The following SUGCT variants were observed in gnomAD, a reference collection of about 807,000 sequenced individuals.
SUGCT encodes the protein succinyl-CoA:glutarate CoA-transferase.
In SUGCT, 41 loss-of-function variants were observed where a neutral mutation model predicts 55.0. The observed-to-expected ratio is 0.74, with a 90% CI of 0.58 to 0.97. SUGCT has a LOEUF of 0.97. SUGCT is among the 50% of genes least tolerant of loss of function. The probability of loss-of-function intolerance (pLI) is 0.00; values close to 1 mark genes in which losing one functional copy is unlikely to be tolerated. For missense variants in SUGCT, 568 were observed against 547.8 expected (o/e 1.04, Z -0.37); for synonymous variants, 187 against 200.4 (o/e 0.93, Z 0.56).
At chr7:40,691,476 C>G (rs561532169) in intron 12 of SUGCT, among the ~76,000 whole-genome samples, 1 of 152,212 alleles carries the variant, frequency 6.6e-6, no homozygotes, top group East Asian at 1.9e-4. Flanking sequence ...AGAAGTCAGG[C>G]CCAGCTTTCT....
intron 8 of SUGCT, among the ~76,000 whole-genome samples, chr7:40,301,876 T>C (rs991752876): frequency 1.1e-4 from 17 of 152,354 alleles, no homozygotes; most frequent in Middle Eastern, 3.4e-3. Context: ...TGTAACTTAA[T>C]AGTTCTAAGA....
chr7:40,218,973 T>G (rs1787851210), intron 6 of SUGCT, among the ~76,000 whole-genome samples: 1 of 152,168 alleles, frequency 6.6e-6, no homozygotes, highest in East Asian at 1.9e-4. Flanking sequence ...GCTACATTCT[T>G]TCGCTCCTTG....
chr7:40,592,154 T>G (rs1763324914), intron 12 of SUGCT, among the ~76,000 whole-genome samples: 1 of 152,162 alleles, frequency 6.6e-6, no homozygotes, highest in African/African-American at 2.4e-5. Context: ...TAAATATGAG[T>G]TGAAATGTTG....
chr7:41,013,617 A>G, the SUGCT span, among the ~76,000 whole-genome samples: 1 of 152,164 alleles, frequency 6.6e-6, no homozygotes, highest in Admixed American at 6.5e-5. Flanking sequence ...CTATGCCTGT[A>G]TATGCATTTT....
the SUGCT span, among the ~76,000 whole-genome samples, chr7:40,923,409 G>T: frequency 6.6e-6 from 1 of 152,106 alleles, no homozygotes; most frequent in African/African-American, 2.4e-5. Flanking sequence ...GTGATTTTTG[G>T]CTTGGTCATT....
In SUGCT at chr7:40,662,910, C is replaced by T. The variant is rs1172446608; in HGVS notation, c.1090-86524C>T. ...CTTGTGATATGTCTAGTGCCAGGAA[C>T]GGAGCTTCCCTCAGAGTGGGTGCTA... is the stretch of plus-strand genomic sequence containing the variant. On this transcript the variant is annotated intron_variant, in intron 12 of 13. Coordinates refer to ENST00000335693, the MANE Select transcript of SUGCT (RefSeq NM_001193313.2). 2.6e-5 allele frequency among the ~76,000 whole-genome samples: 4 copies of T among 152,258 alleles called. No homozygotes were observed. The East Asian group carries it at 5.8e-4, about 22-fold the overall frequency.
intron 7 of SUGCT, among the ~76,000 whole-genome samples, chr7:40,256,916 G>A (rs956224831): frequency 2.0e-5 from 3 of 151,706 alleles, no homozygotes; most frequent in Non-Finnish European, 2.9e-5. Context: ...GCTAATTTTC[G>A]TATTTTTAAC....
At chr7:40,938,696 C>T in the SUGCT span, among the ~76,000 whole-genome samples, 8 of 152,198 alleles carry the variant, frequency 5.3e-5, no homozygotes, top group South Asian at 1.7e-3. Flanking sequence ...CATTTTCACA[C>T]TGCTGATAAT....
At chr7:40,176,962 A>T (rs1407462731) in intron 1 of SUGCT, among the ~76,000 whole-genome samples, 1 of 38,024 alleles carries the variant, frequency 2.6e-5, no homozygotes, top group Non-Finnish European at 5.0e-5. Flanking sequence ...CTCCGTCTCC[A>T]AAAAAAAAAA....
chr7:40,376,571 T>TA (rs2151268811), intron 9 of SUGCT, among the ~76,000 whole-genome samples: 1 of 152,084 alleles, frequency 6.6e-6, no homozygotes, highest in African/African-American at 2.4e-5. Context: ...TTTCTATTTT[T>TA]AGTAGAGATG....
chr7:40,815,170 G>A (rs1440316871), intron 13 of SUGCT, among the ~76,000 whole-genome samples: 1 of 152,222 alleles, frequency 6.6e-6, no homozygotes, highest in East Asian at 1.9e-4. Flanking sequence ...TCCCTCCTCA[G>A]CCCTGTGGGG....
chr7:40,446,128 T>G (rs561865512), intron 9 of SUGCT, among the ~76,000 whole-genome samples: 183 of 152,230 alleles, frequency 1.2e-3, no homozygotes, highest in Middle Eastern at 3.4e-3. Flanking sequence ...TCTTAAAAAT[T>G]TTAAACTTTT....
At chr7:40,900,933 AT>A in the SUGCT span, among the ~76,000 whole-genome samples, 1 of 152,250 alleles carries the variant, frequency 6.6e-6, no homozygotes, top group South Asian at 2.1e-4. Context: ...ATGAGGGAAA[AT>A]ATATGTAATT....
intron 13 of SUGCT, chr7:40,783,447 C>T (rs1432868354): frequency 1.3e-5 from 2 of 152,142 alleles, no homozygotes; most frequent in Non-Finnish European, 2.9e-5. Flanking sequence ...AAAAGAAACT[C>T]TTCTGAAAAT....
At chr7:40,343,484 T>C (rs1421475414) in intron 9 of SUGCT, among the ~76,000 whole-genome samples, 1 of 151,974 alleles carries the variant, frequency 6.6e-6, no homozygotes, top group African/African-American at 2.4e-5. Context: ...TAGGAAAAAA[T>C]AAGAAAAACG....
chr7:40,898,718 T>TA, the SUGCT span, among the ~76,000 whole-genome samples: 4 of 151,780 alleles, frequency 2.6e-5, no homozygotes, highest in African/African-American at 9.7e-5. Flanking sequence ...AATGAACACT[T>TA]ACCACGAGGG....
At chr7:40,669,754 C>T (rs909096166) in intron 12 of SUGCT, among the ~76,000 whole-genome samples, 23 of 151,584 alleles carry the variant, frequency 1.5e-4, no homozygotes, top group South Asian at 6.2e-4. Flanking sequence ...CCTTAATGGA[C>T]GACAGATAGA....
chr7:40,804,936 G>A (rs540831570), intron 13 of SUGCT, among the ~76,000 whole-genome samples: 5 of 152,282 alleles, frequency 3.3e-5, no homozygotes, highest in African/African-American at 7.2e-5. Flanking sequence ...ATATGGGAAC[G>A]TGCAAAACCA....
the SUGCT span, among the ~76,000 whole-genome samples, chr7:40,907,824 T>G: frequency 6.6e-5 from 10 of 152,202 alleles, no homozygotes; most frequent in Non-Finnish European, 1.2e-4. Flanking sequence ...CTAAGATAAG[T>G]TTGACATCAT....
Sources: allele counts gnomAD v4.1 joint callset (sites outside exome capture counted in the v4.1 genomes callset), GRCh38; gene constraint gnomAD v4.1.1; transcripts MANE v1.5; gene names NCBI Gene and HGNC (gene_info 2026-07-23, HGNC 2026-07-21).